The following TMEM131 variants were observed in gnomAD, a reference collection of about 807,000 sequenced individuals.
The protein encoded by TMEM131 is transmembrane protein 131.
Under a neutral mutation model 211.6 loss-of-function variants are expected in TMEM131, and 66 were observed. The observed-to-expected ratio is 0.31, with a 90% CI of 0.26 to 0.38. The LOEUF (loss-of-function observed/expected upper bound fraction) is 0.38. TMEM131 is among the 10% of genes least tolerant of loss of function. The pLI is 1.00. For synonymous variants in TMEM131, 844 were observed against 841.3 expected (o/e 1.00, Z -0.06); for missense variants, 2,036 against 2,299.3 (o/e 0.89, Z 2.34).
chr2:97,948,288 C>T (rs532139749), intron 1 of TMEM131, among the ~76,000 whole-genome samples: 1 of 151,934 alleles, frequency 6.6e-6, no homozygotes, highest in East Asian at 1.9e-4. Flanking sequence ...ATAATATTTG[C>T]AAAATGCTTA....
At chr2:97,864,859 G>C (rs564457247) in intron 4 of TMEM131, among the ~76,000 whole-genome samples, 1 of 152,204 alleles carries the variant, frequency 6.6e-6, no homozygotes, top group Non-Finnish European at 1.5e-5. Context: ...CCTTGAGATA[G>C]AGCCAGATCC....
rs763485112 is a variant in TMEM131 at position 97,815,246 on chromosome 2, C to G, written c.1245G>C (p.Lys415Asn). ...SGKITVKAKE[K>N]SYSKLEIPYQ... Reference sequence around the variant, plus strand: ...ATGGTATTTCAAGTTTAGAATAACTCTTTTCCTTTGCTTTAACTGTTATTT... The same window carrying G: ...ATGGTATTTCAAGTTTAGAATAACTGTTTTCCTTTGCTTTAACTGTTATTT... The change falls in exon 13 of 41, where the codon AAG (lysine) becomes AAC (asparagine). Residue 415 changes from lysine to asparagine, a missense_variant. Lys to Asn is a moderately conservative substitution (Grantham distance 94, BLOSUM62 0). This residue lies in a region of TMEM131 where 1,623 missense variants were observed against 1,805.9 expected (regional missense o/e 0.90). Coordinates refer to ENST00000186436, the MANE Select transcript of TMEM131 (RefSeq NM_015348.2). 3 of 1,575,536 alleles carry G rather than the reference C, an allele frequency of 1.9e-6. No homozygotes were observed. In the South Asian group the frequency reaches 3.6e-5, roughly 19 times the overall value.
At chr2:97,789,019 C>T (rs1250496057) in intron 31 of TMEM131, among the ~76,000 whole-genome samples, 4 of 152,130 alleles carry the variant, frequency 2.6e-5, no homozygotes, top group African/African-American at 9.7e-5. Context: ...TAAAAGCTCC[C>T]AAAACACTCA....
At chr2:97,930,038 C>CT (rs1189835809) in intron 1 of TMEM131, among the ~76,000 whole-genome samples, 1 of 151,774 alleles carries the variant, frequency 6.6e-6, no homozygotes, top group Non-Finnish European at 1.5e-5. Flanking sequence ...GTTCCCCCCA[C>CT]TTTTTAACAC....
chr2:97,841,725 G>A (rs1683205731), intron 7 of TMEM131, 90 bp downstream of exon 7: 2 of 1,375,760 alleles, frequency 1.5e-6, no homozygotes, highest in Admixed American at 3.0e-5. Context: ...ATTTTAAATA[G>A]TCTTGGAAAC....
intron 4 of TMEM131, among the ~76,000 whole-genome samples, chr2:97,869,331 G>A (rs1203209750): frequency 1.3e-5 from 2 of 152,228 alleles, no homozygotes; most frequent in African/African-American, 4.8e-5. Flanking sequence ...GGGGAAAAGA[G>A]ACAAGTGTGG....
At chr2:97,781,347 C>A (rs913173877) in intron 31 of TMEM131, among the ~76,000 whole-genome samples, 5 of 152,342 alleles carry the variant, frequency 3.3e-5, no homozygotes, top group African/African-American at 1.2e-4. Flanking sequence ...GACTCACTAA[C>A]CCAAGTCCAA....
rs903436271 is a variant in TMEM131, at chr2:97,805,806, C to G, written c.2056-103G>C. On this transcript the variant is annotated intron_variant, in intron 19 of 40. Transcript: ENST00000186436. ...AGCATACTTCTAGGAAACCAAAGCC[C>G]AAAAGACATCTTAGAATGTTCATCA... 11 of 1,015,026 alleles carry G rather than the reference C, an allele frequency of 1.1e-5. No individual in the cohort carries two copies. In the East Asian group the frequency reaches 2.3e-4, roughly 21 times the overall value. 62.9% of individuals were successfully genotyped at this position (1,015,026 alleles called of 1,614,324 possible).
chr2:97,802,535 T>C lies in TMEM131; in HGVS notation c.2544A>G (p.Glu848=). 1.2e-6 allele frequency: 2 copies of C among 1,607,752 alleles called. No homozygotes were observed. The highest frequency in any genetic ancestry group is 1.7e-5 in the Admixed American group (1 of 58,662). ...FPLTNTNCSS[E]EEITLENPAD... is the part of the protein sequence containing the mutation. The stretch of plus-strand genomic sequence containing the variant: ...CAGGATTTTCTAAAGTAATCTCTTC[T>C]TCCTTAAACAAAATAATGAAACATT... Residue 848 remains glutamate (E), a splice_region_variant and synonymous_variant, in exon 24 of 41, where the codon GAA becomes GAG. Transcript: ENST00000186436.
intron 4 of TMEM131, among the ~76,000 whole-genome samples, chr2:97,861,003 G>T (rs921368101): frequency 4.6e-5 from 7 of 152,130 alleles, no homozygotes; most frequent in Non-Finnish European, 8.8e-5. Context: ...ACAGTGCAGC[G>T]ACTGTGAGAC....
At chr2:97,992,316 A>T (rs574006579) in intron 1 of TMEM131, among the ~76,000 whole-genome samples, 7 of 152,210 alleles carry the variant, frequency 4.6e-5, no homozygotes, top group Non-Finnish European at 1.0e-4. Flanking sequence ...CTTTTCTCAT[A>T]TGCTTTGTAA....
intron 2 of TMEM131, among the ~76,000 whole-genome samples, chr2:97,916,091 T>G (rs1676496128): frequency 6.6e-6 from 1 of 152,108 alleles, no homozygotes; most frequent in Admixed American, 6.5e-5. Flanking sequence ...TTTTTTTTAA[T>G]TTTTAGTAGA....
chr2:97,895,131 T>C (rs1165296640), intron 3 of TMEM131, among the ~76,000 whole-genome samples: 1 of 152,204 alleles, frequency 6.6e-6, no homozygotes, highest in South Asian at 2.1e-4. Flanking sequence ...GAGATAGTCA[T>C]GTGGTTTTTG....
At chr2:97,868,807 A>C (rs1674376356) in intron 4 of TMEM131, among the ~76,000 whole-genome samples, 1 of 152,180 alleles carries the variant, frequency 6.6e-6, no homozygotes, top group Non-Finnish European at 1.5e-5. Flanking sequence ...TCAAACCAAG[A>C]AGCACTCAAA....
Position 97,761,822 on chromosome 2 carries a change from G to C in TMEM131, c.4889+213C>G, listed in dbSNP as rs556147412. 4.3e-4 allele frequency: 223 copies of C among 516,710 alleles called. 2 individuals carry two copies. In the East Asian group the frequency reaches 7.5e-3, roughly 17 times the overall value. 32.0% of individuals were successfully genotyped at this position (516,710 alleles called of 1,614,324 possible). A position where few individuals can be genotyped will look rare whatever the true frequency, so the allele number is the denominator to read the frequency against. Reference sequence around the variant, plus strand: ...CGGTCCACAGGTGGTAAGAATGAATGGATTAGAATGGGAACCGGGTTACTG... The same window carrying C: ...CGGTCCACAGGTGGTAAGAATGAATCGATTAGAATGGGAACCGGGTTACTG... On this transcript the variant is annotated intron_variant, in intron 36 of 40. Transcript: ENST00000186436.
intron 2 of TMEM131, among the ~76,000 whole-genome samples, chr2:97,917,984 T>C (rs1176776953): frequency 2.0e-5 from 3 of 151,798 alleles, no homozygotes; most frequent in Admixed American, 2.0e-4. Context: ...TCTTGCTCTG[T>C]CACTGAGGCT....
At chr2:97,857,083 A>C (rs192540477) in intron 5 of TMEM131, among the ~76,000 whole-genome samples, 1 of 152,310 alleles carries the variant, frequency 6.6e-6, no homozygotes, top group Non-Finnish European at 1.5e-5. Context: ...TCCCTGGGAG[A>C]GTCTAGTTCA....
intron 5 of TMEM131, among the ~76,000 whole-genome samples, chr2:97,859,042 A>C (rs1009054817): frequency 7.9e-5 from 12 of 152,240 alleles, no homozygotes; most frequent in African/African-American, 2.9e-4. Context: ...ATTATTAGGA[A>C]GGAAAATAAA....
At chr2:97,887,811 T>C (rs1675223339) in intron 4 of TMEM131, 1 of 389,174 alleles carries the variant, frequency 2.6e-6, no homozygotes, top group South Asian at 8.7e-5. Context: ...AAAGAGTCTC[T>C]GAACCAGAGA....
Sources: gnomAD v4.1 joint callset for allele counts (sites outside exome capture counted in the v4.1 genomes callset) on GRCh38, gnomAD v4.1.1 for gene constraint, gnomAD v4.1.1 regional missense constraint, MANE v1.5 for transcripts, NCBI Gene and HGNC (gene_info 2026-07-23, HGNC 2026-07-21) for gene names.